Variants in LNX1 observed in about 807,000 individuals in gnomAD.
The protein encoded by LNX1 is ligand of numb-protein X 1.
Under a neutral mutation model 68.4 loss-of-function variants are expected in LNX1, and 54 were observed. The observed-to-expected ratio is 0.79, with a 90% confidence interval of 0.63 to 0.99. The LOEUF is 0.99. Ranked by LOEUF, LNX1 falls within the 50% of genes least tolerant of loss-of-function variation. The probability of loss-of-function intolerance (pLI) is 0.00; values close to 1 mark genes in which losing one functional copy is unlikely to be tolerated. For missense variants in LNX1, 906 were observed against 926.4 expected, an observed-to-expected ratio of 0.98 and a Z score of 0.29; for synonymous variants, 336 against 350.0, an observed-to-expected ratio of 0.96 and a Z score of 0.45.
chr4:53,605,556 A>C (rs1458885303), intron 2 of LNX1, among the ~76,000 whole-genome samples: 1 of 152,038 alleles, frequency 6.6e-6, no homozygotes, highest in African/African-American at 2.4e-5. Flanking sequence ...ATATAACTAC[A>C]ACTTTGTATC....
At chr4:53,523,028 A>G (rs1189357059) in intron 2 of LNX1, 1 of 152,184 alleles carries the variant, frequency 6.6e-6, no homozygotes, top group African/African-American at 2.4e-5. Context: ...CCCATTTGGG[A>G]AGATTTTTAA....
Position 53,459,500 on chromosome 4 carries a change from A to G in LNX1, c.*1407T>C. ...TTAGTACCAGAAGTAGATACTATAA[A>G]TCTTGTTATTTTTCTGGATAATGTT... On this transcript the variant is annotated 3_prime_UTR_variant, in exon 11 of 11. Transcript: ENST00000263925. 1.2e-6 allele frequency: 2 copies of G among 1,608,730 alleles called. No individual in the cohort carries two copies. The highest frequency in any genetic ancestry group is 1.7e-6 in the Non-Finnish European group (2 of 1,176,858).
chr4:53,606,486 C>A (rs1426760161), intron 2 of LNX1, among the ~76,000 whole-genome samples: 1 of 150,704 alleles, frequency 6.6e-6, no homozygotes, highest in Non-Finnish European at 1.5e-5. Flanking sequence ...AAAAAACAAA[C>A]AAAAAAAAAA....
At chr4:53,471,150 C>A (rs1050902636) in intron 9 of LNX1, among the ~76,000 whole-genome samples, 4 of 148,240 alleles carry the variant, frequency 2.7e-5, no homozygotes, top group Non-Finnish European at 6.0e-5. Flanking sequence ...GAGATATAGA[C>A]CAATGGAACA....
chr4:53,462,429 C>T (rs1022160781), intron 9 of LNX1, among the ~76,000 whole-genome samples: 1 of 151,968 alleles, frequency 6.6e-6, no homozygotes, highest in South Asian at 2.1e-4. Flanking sequence ...CGTTGTTGAC[C>T]ACATTTGTAG....
chr4:53,596,788 A>C (rs1732773338), intron 2 of LNX1, among the ~76,000 whole-genome samples: 1 of 152,114 alleles, frequency 6.6e-6, no homozygotes. Context: ...ACTTCCCCCT[A>C]TTATAATGAC....
chr4:53,619,031 G>C (rs1733776223), upstream of LNX1, among the ~76,000 whole-genome samples: 2 of 152,092 alleles, frequency 1.3e-5, no homozygotes, highest in East Asian at 3.9e-4. Context: ...GATTACAGGT[G>C]TGAGCCACTG....
At chr4:53,610,146 T>C (rs1360633740) in intron 2 of LNX1, among the ~76,000 whole-genome samples, 1 of 152,140 alleles carries the variant, frequency 6.6e-6, no homozygotes, top group Admixed American at 6.5e-5. Context: ...CCGCAGAACA[T>C]TTATAGAGAC....
intron 1 of LNX1, among the ~76,000 whole-genome samples, chr4:53,646,271 A>T (rs1734879734): frequency 6.6e-6 from 1 of 152,202 alleles, no homozygotes; most frequent in African/African-American, 2.4e-5. Context: ...TTGGTAAATG[A>T]CCGGAGTGGA....
chr4:53,509,863 C>G (rs769912039), intron 2 of LNX1, among the ~76,000 whole-genome samples: 1 of 152,168 alleles, frequency 6.6e-6, no homozygotes, highest in African/African-American at 2.4e-5. Context: ...CCCAGTCGCA[C>G]GAGTACCCCT....
intron 2 of LNX1, among the ~76,000 whole-genome samples, chr4:53,544,683 C>T (rs1255001619): frequency 1.3e-5 from 2 of 152,054 alleles, no homozygotes; most frequent in East Asian, 1.9e-4. Flanking sequence ...GTGCAGGGGG[C>T]GAAGAAAGGA....
intron 2 of LNX1, among the ~76,000 whole-genome samples, chr4:53,533,250 C>T (rs564494830): frequency 2.8e-4 from 42 of 152,218 alleles, no homozygotes; most frequent in African/African-American, 8.9e-4. Context: ...GAAGAGAGGT[C>T]CAATAGAACA....
Position 53,570,299 on chromosome 4 carries a change from T to C in LNX1, c.380+3324A>G, listed in dbSNP as rs530505559. Among the ~76,000 whole-genome samples, 110 of 148,562 alleles carry C rather than the reference T, an allele frequency of 7.4e-4. No individual in the cohort carries two copies. The South Asian group carries it at 0.011, about 14-fold the overall frequency. On this transcript the variant is annotated intron_variant, in intron 2 of 10. Transcript: ENST00000263925. ...ACAATGATAGACTGGATTAAGAAAA[T>C]GTGGCACATATACACCATGGAATAC...
chr4:53,569,269 A>G (rs1577730008), intron 2 of LNX1, among the ~76,000 whole-genome samples: 1 of 149,986 alleles, frequency 6.7e-6, no homozygotes, highest in Non-Finnish European at 1.5e-5. Flanking sequence ...ACTATACTAC[A>G]AGGCTACAGT....
At chr4:53,563,576 C>A (rs1279188256) in intron 2 of LNX1, among the ~76,000 whole-genome samples, 2 of 149,606 alleles carry the variant, frequency 1.3e-5, no homozygotes, top group East Asian at 3.9e-4. Context: ...GCTCTGTCAC[C>A]CAGGCTGGAG....
intron 9 of LNX1, among the ~76,000 whole-genome samples, chr4:53,471,965 G>A (rs1723220363): frequency 6.6e-6 from 1 of 152,196 alleles, no homozygotes; most frequent in Admixed American, 6.5e-5. Flanking sequence ...AATACCATTT[G>A]ACCCAGCCAT....
intron 2 of LNX1, among the ~76,000 whole-genome samples, chr4:53,567,789 T>G (rs1003630371): frequency 6.6e-6 from 1 of 151,604 alleles, no homozygotes; most frequent in Admixed American, 6.6e-5. Flanking sequence ...ATCAAATAGA[T>G]GCAATAAAAA....
intron 9 of LNX1, among the ~76,000 whole-genome samples, chr4:53,464,487 A>ACT: frequency 5.8e-5 from 1 of 17,152 alleles, no homozygotes; most frequent in Non-Finnish European, 1.4e-4. Context: ...ATCAACATGA[A>ACT]AAAGATGTTT....
chr4:53,568,587 A>AAGACAGGGGGGCAC, intron 2 of LNX1, among the ~76,000 whole-genome samples: 1 of 151,542 alleles, frequency 6.6e-6, no homozygotes, highest in East Asian at 1.9e-4. Flanking sequence ...AAACGGGCAC[A>AAGACAGGGGGGCAC]AGACAGGGGG....
Sources: gnomAD v4.1 joint callset for allele counts (sites outside exome capture counted in the v4.1 genomes callset) on GRCh38, gnomAD v4.1.1 for gene constraint, MANE v1.5 for transcripts, NCBI Gene and HGNC (gene_info 2026-07-23, HGNC 2026-07-21) for gene names.